CPNE4: variants seen among roughly 807,000 people sequenced by gnomAD.
The protein encoded by CPNE4 is copine-4.
In CPNE4, 25 loss-of-function variants were observed where a neutral mutation model predicts 67.9. That is an observed-to-expected ratio of 0.37 (90% CI 0.27 to 0.51). The LOEUF is 0.51. Among genes scored for constraint, CPNE4 ranks in the 20% least tolerant of loss-of-function variants. CPNE4 has a pLI of 0.93. For missense variants in CPNE4, 464 were observed against 690.8 expected (o/e 0.67, Z 3.68); for synonymous variants, 242 against 244.9 (o/e 0.99, Z 0.11).
chr3:131,988,461 G>T (rs2073105814), intron 1 of CPNE4, among the ~76,000 whole-genome samples: 1 of 152,190 alleles, frequency 6.6e-6, no homozygotes, highest in Admixed American at 6.5e-5. Context: ...CAGAAAGAGG[G>T]TCAGTCTAGT....
chr3:131,851,142 T>A (rs2086227071), intron 2 of CPNE4, among the ~76,000 whole-genome samples: 1 of 152,046 alleles, frequency 6.6e-6, no homozygotes. Context: ...CATGTATGTA[T>A]GTAAATACAT....
At chr3:131,589,499 C>T (rs1215768973) in intron 7 of CPNE4, among the ~76,000 whole-genome samples, 1 of 152,208 alleles carries the variant, frequency 6.6e-6, no homozygotes, top group Non-Finnish European at 1.5e-5. Flanking sequence ...GAGGGTGAGT[C>T]TTCCTCTCTC....
At chr3:131,916,664 A>G (rs2089194538) in intron 1 of CPNE4, among the ~76,000 whole-genome samples, 1 of 152,214 alleles carries the variant, frequency 6.6e-6, no homozygotes, top group East Asian at 1.9e-4. Context: ...ATTGCCCAGT[A>G]GAAATATGTG....
intron 2 of CPNE4, among the ~76,000 whole-genome samples, chr3:131,848,972 A>AAAAC (rs2086121850): frequency 6.6e-6 from 1 of 150,774 alleles, no homozygotes; most frequent in South Asian, 2.1e-4. Flanking sequence ...AAAAAAAAAA[A>AAAAC]AAAAAAAAAA....
chr3:131,900,299 T>TTCATTCCAG (rs754315187), intron 2 of CPNE4, among the ~76,000 whole-genome samples: 2 of 152,096 alleles, frequency 1.3e-5, no homozygotes, highest in Non-Finnish European at 2.9e-5. Context: ...GAGATATCAT[T>TTCATTCCAG]TCATTCCAGT....
At position 131,678,706 on chromosome 3, in the gene CPNE4, GT is replaced by G. The variant is rs1414842334; in HGVS notation, c.591+7168del. On this transcript the variant is annotated intron_variant, in intron 6 of 15. Transcript: ENST00000429747. ...CTATTGAGGTAATCTTGTGGTTTTT[GT>G]CTTTTGTTCTGTTTATGTGATGAAT... is the stretch of plus-strand genomic sequence containing the variant. Among the ~76,000 whole-genome samples the G allele has an allele frequency of 3.1e-4, 47 of 152,244 alleles. No individual in the cohort carries two copies. The East Asian group carries it at 8.7e-3, about 28-fold the overall frequency.
At chr3:131,851,835 G>C (rs762055533) in intron 2 of CPNE4, among the ~76,000 whole-genome samples, 1 of 152,122 alleles carries the variant, frequency 6.6e-6, no homozygotes, top group Non-Finnish European at 1.5e-5. Context: ...ATATAGCCTT[G>C]TTACTTTATA....
intron 1 of CPNE4, among the ~76,000 whole-genome samples, chr3:131,906,411 C>G (rs917275700): frequency 7.8e-6 from 1 of 128,248 alleles, no homozygotes; most frequent in African/African-American, 2.8e-5. Flanking sequence ...CCCCTCCCCC[C>G]ACCCCACAAC....
intron 1 of CPNE4, among the ~76,000 whole-genome samples, chr3:131,954,863 T>C (rs1356875538): frequency 6.6e-6 from 1 of 152,028 alleles, no homozygotes; most frequent in African/African-American, 2.4e-5. Flanking sequence ...CCATGGTGTA[T>C]ATATGCCACA....
chr3:131,851,724 C>G (rs911801382), intron 2 of CPNE4, among the ~76,000 whole-genome samples: 6 of 152,206 alleles, frequency 3.9e-5, no homozygotes, highest in African/African-American at 1.2e-4. Context: ...AAATAGCTAT[C>G]TTGGCTTGAA....
intron 2 of CPNE4, among the ~76,000 whole-genome samples, chr3:131,814,964 C>T (rs188364988): frequency 7.7e-4 from 117 of 152,234 alleles, no homozygotes; most frequent in African/African-American, 2.8e-3. Context: ...TGCAGGGCCA[C>T]AGGGCATCAA....
intron 1 of CPNE4, 124 bp from the exon 2 acceptor site, chr3:131,905,568 T>A: frequency 1.2e-6 from 1 of 822,802 alleles, no homozygotes; most frequent in Non-Finnish European, 1.9e-6. Context: ...ATTGAAGGTA[T>A]TTATCTCACT....
chr3:131,550,148 A>G, intron 13 of CPNE4, 68 bp from the exon 14 acceptor site: 1 of 1,544,742 alleles, frequency 6.5e-7, no homozygotes, highest in Non-Finnish European at 8.9e-7. Context: ...CCAAACACAC[A>G]CAAAAGTAAA....
At chr3:131,802,848 G>A (rs1396904814) in intron 2 of CPNE4, among the ~76,000 whole-genome samples, 5 of 152,132 alleles carry the variant, frequency 3.3e-5, no homozygotes, top group Non-Finnish European at 2.9e-5. Flanking sequence ...TTCAAAGAGG[G>A]ACCAGGTCAT....
intron 10 of CPNE4, among the ~76,000 whole-genome samples, chr3:131,572,208 G>T (rs1424864668): frequency 2.0e-5 from 3 of 152,128 alleles, no homozygotes; most frequent in African/African-American, 4.8e-5. Flanking sequence ...TTTTGTATTG[G>T]TCAGAGCCAC....
intron 2 of CPNE4, among the ~76,000 whole-genome samples, chr3:131,784,497 G>A (rs1335624293): frequency 3.3e-5 from 5 of 152,058 alleles, no homozygotes; most frequent in African/African-American, 1.2e-4. Flanking sequence ...TCATGTAGGA[G>A]GCAGCCTGCA....
chr3:131,692,182 G>A (rs2107689809), intron 5 of CPNE4, among the ~76,000 whole-genome samples: 1 of 152,148 alleles, frequency 6.6e-6, no homozygotes, highest in Admixed American at 6.5e-5. Context: ...TGGAATATTG[G>A]ACCTAGAAGA....
At chr3:131,763,198 CAAGT>C (rs2082931938) in intron 2 of CPNE4, among the ~76,000 whole-genome samples, 1 of 151,992 alleles carries the variant, frequency 6.6e-6, no homozygotes, top group Non-Finnish European at 1.5e-5. Flanking sequence ...TCAAATCGGA[CAAGT>C]AATAAAGTCT....
chr3:131,539,877 C>G (rs142381940), intron 15 of CPNE4, among the ~76,000 whole-genome samples: 75 of 152,290 alleles, frequency 4.9e-4, no homozygotes, highest in African/African-American at 1.5e-3. Context: ...GAAGAACACC[C>G]TTTCCTCCAT....
Sources: gnomAD v4.1 joint callset for allele counts (sites outside exome capture counted in the v4.1 genomes callset) on GRCh38, gnomAD v4.1.1 for gene constraint, MANE v1.5 for transcripts, NCBI Gene and HGNC (gene_info 2026-07-23, HGNC 2026-07-21) for gene names.